CAMKMT: variants seen among roughly 807,000 people sequenced by gnomAD.
The protein encoded by CAMKMT is CaM KMT.
Under a neutral mutation model 48.0 loss-of-function variants are expected in CAMKMT, and 53 were observed. The observed-to-expected ratio is 1.10, with a 90% CI of 0.89 to 1.39. The LOEUF (loss-of-function observed/expected upper bound fraction) is 1.39. CAMKMT is among the 40% of genes most tolerant of loss of function. The pLI is 0.00. For synonymous variants in CAMKMT, 165 were observed against 152.3 expected, an observed-to-expected ratio of 1.08 and a Z score of -0.61; for missense variants, 428 against 402.7, an observed-to-expected ratio of 1.06 and a Z score of -0.54.
intron 3 of CAMKMT, among the ~76,000 whole-genome samples, chr2:44,439,952 A>G (rs540921810): frequency 6.2e-4 from 95 of 152,268 alleles, no homozygotes; most frequent in East Asian, 3.9e-4. Flanking sequence ...CCTGAAGATA[A>G]ATATTTTCTA....
At chr2:44,490,462 A>T (rs1030097243) in intron 3 of CAMKMT, among the ~76,000 whole-genome samples, 1 of 152,060 alleles carries the variant, frequency 6.6e-6, no homozygotes, top group Non-Finnish European at 1.5e-5. Context: ...TTTAGTAGAG[A>T]TGGGGTTTCA....
chr2:44,427,286 C>T (rs1684337574), intron 3 of CAMKMT, among the ~76,000 whole-genome samples: 1 of 152,058 alleles, frequency 6.6e-6, no homozygotes, highest in Admixed American at 6.6e-5. Flanking sequence ...AAAACAAATG[C>T]AACAAAAAAA....
chr2:44,744,201 C>T (rs1256315058), intron 8 of CAMKMT, among the ~76,000 whole-genome samples: 2 of 152,102 alleles, frequency 1.3e-5, no homozygotes, highest in Non-Finnish European at 2.9e-5. Flanking sequence ...TGTTTGCTAT[C>T]TAATGTTTTC....
intron 2 of CAMKMT, among the ~76,000 whole-genome samples, chr2:44,389,748 C>T (rs1681140615): frequency 6.6e-6 from 1 of 152,124 alleles, no homozygotes; most frequent in Admixed American, 6.5e-5. Context: ...GCAAAAGATA[C>T]AAAAACTTTG....
At chr2:44,442,464 C>G (rs1247725070) in intron 3 of CAMKMT, among the ~76,000 whole-genome samples, 1 of 152,118 alleles carries the variant, frequency 6.6e-6, no homozygotes, top group East Asian at 1.9e-4. Flanking sequence ...CCCTTGTAGT[C>G]CTTCACAGAA....
chr2:44,733,537 G>A (rs778362398), intron 7 of CAMKMT, among the ~76,000 whole-genome samples: 3 of 152,060 alleles, frequency 2.0e-5, no homozygotes, highest in Non-Finnish European at 4.4e-5. Flanking sequence ...AGAAAGCATC[G>A]GGTCTTTCAC....
At chr2:44,709,265 A>G (rs1268908863) in intron 6 of CAMKMT, among the ~76,000 whole-genome samples, 1 of 152,136 alleles carries the variant, frequency 6.6e-6, no homozygotes, top group African/African-American at 2.4e-5. Flanking sequence ...TGGGTTTTAC[A>G]ATGGGTTTAA....
At chr2:44,398,905 A>G (rs958333681) in intron 3 of CAMKMT, among the ~76,000 whole-genome samples, 5 of 152,178 alleles carry the variant, frequency 3.3e-5, no homozygotes, top group African/African-American at 9.6e-5. Context: ...TATATACTCC[A>G]TGTTAAAAAA....
intron 3 of CAMKMT, among the ~76,000 whole-genome samples, chr2:44,535,404 G>A (rs1666718438): frequency 6.6e-6 from 1 of 152,098 alleles, no homozygotes; most frequent in African/African-American, 2.4e-5. Context: ...GCATTACCCT[G>A]ATAACAAAAC....
At chr2:44,571,301 G>A (rs1285397169) in intron 3 of CAMKMT, among the ~76,000 whole-genome samples, 2 of 152,158 alleles carry the variant, frequency 1.3e-5, no homozygotes, top group Admixed American at 6.5e-5. Context: ...ATTTGTGAGG[G>A]TGAGGTAAAA....
chr2:44,474,902 T>C (rs532717377), intron 3 of CAMKMT, among the ~76,000 whole-genome samples: 20 of 152,352 alleles, frequency 1.3e-4, no homozygotes, highest in South Asian at 2.1e-4. Flanking sequence ...ATTCAGTGCC[T>C]GGTATGTAGA....
chr2:44,747,662 G>T (rs920820503), intron 8 of CAMKMT, among the ~76,000 whole-genome samples: 2 of 152,182 alleles, frequency 1.3e-5, no homozygotes, highest in African/African-American at 4.8e-5. Context: ...CTTCCTTTCT[G>T]TGGCTATTGA....
chr2:44,670,862 A>G (rs576588523), intron 3 of CAMKMT, among the ~76,000 whole-genome samples: 6 of 152,002 alleles, frequency 3.9e-5, no homozygotes, highest in South Asian at 4.2e-4. Flanking sequence ...TCTTTCGCCA[A>G]TCCTCTCTCC....
At chr2:44,369,826 A>G (rs1425076071) in intron 1 of CAMKMT, 1 of 152,220 alleles carries the variant, frequency 6.6e-6, no homozygotes, top group African/African-American at 2.4e-5. Context: ...AAAACCAAGT[A>G]TCTTTACAAC....
rs1480288646 is a variant in CAMKMT at position 44,424,434 on chromosome 2, C to CT, written c.376+34130dup. ...CATTGCGCAAGTGGGGGCTATGTGA[C>CT]TGAGGGCTACATGCATCAGTGATGG... On this transcript the variant is annotated intron_variant, in intron 3 of 10. Transcript: ENST00000378494. Among the ~76,000 whole-genome samples the CT allele has an allele frequency of 5.9e-5, 9 of 152,082 alleles. No individual in the cohort carries two copies. The East Asian group carries it at 1.7e-3, about 29-fold the overall frequency.
intron 2 of CAMKMT, among the ~76,000 whole-genome samples, chr2:44,373,507 GTGTT>G (rs1204417338): frequency 3.3e-5 from 5 of 152,124 alleles, no homozygotes; most frequent in African/African-American, 1.2e-4. Flanking sequence ...ATTACTGTAG[GTGTT>G]TGATTTTATA....
chr2:44,485,795 A>G (rs1669189423), intron 3 of CAMKMT, among the ~76,000 whole-genome samples: 1 of 152,210 alleles, frequency 6.6e-6, no homozygotes. Flanking sequence ...ACTATACTAT[A>G]TGATTCCATT....
chr2:44,376,568 T>G (rs1189655790), intron 2 of CAMKMT, among the ~76,000 whole-genome samples: 1 of 152,206 alleles, frequency 6.6e-6, no homozygotes, highest in African/African-American at 2.4e-5. Context: ...TGATCAGCAC[T>G]TGTTATCAAT....
At chr2:44,634,365 G>A (rs1175391439) in intron 3 of CAMKMT, among the ~76,000 whole-genome samples, 14 of 151,668 alleles carry the variant, frequency 9.2e-5, no homozygotes, top group African/African-American at 1.5e-4. Flanking sequence ...CTCAGAGATC[G>A]CAGTCCTTTG....
Sources: allele counts gnomAD v4.1 joint callset (sites outside exome capture counted in the v4.1 genomes callset), GRCh38; gene constraint gnomAD v4.1.1; transcripts MANE v1.5; gene names NCBI Gene and HGNC (gene_info 2026-07-23, HGNC 2026-07-21).